The following SLC22A3 variants were observed in gnomAD, a reference collection of about 807,000 sequenced individuals.
The protein encoded by SLC22A3 is EMT organic cation transporter 3.
SLC22A3 carries 51 observed loss-of-function variants against 59.1 expected under a neutral mutation model. That is an observed-to-expected ratio of 0.86 (90% CI 0.69 to 1.09). The LOEUF is 1.09. Among genes scored for constraint, SLC22A3 ranks in the 50% least tolerant of loss-of-function variants. The pLI is 0.00. For missense variants in SLC22A3, 711 were observed against 726.3 expected, an observed-to-expected ratio of 0.98 and a Z score of 0.24; for synonymous variants, 325 against 292.0, an observed-to-expected ratio of 1.11 and a Z score of -1.15.
intron 5 of SLC22A3, among the ~76,000 whole-genome samples, chr6:160,428,175 C>A (rs184064662): frequency 6.6e-6 from 1 of 150,738 alleles, no homozygotes. Context: ...TGACCCACAG[C>A]TGCAATCCGT....
At chr6:160,359,673 C>T (rs1475370590) in intron 1 of SLC22A3, among the ~76,000 whole-genome samples, 4 of 152,170 alleles carry the variant, frequency 2.6e-5, no homozygotes, top group South Asian at 4.1e-4. Flanking sequence ...TAAATCTAGC[C>T]TTCTGGATTT....
At chr6:160,421,496 C>G (rs1332522466) in intron 5 of SLC22A3, among the ~76,000 whole-genome samples, 1 of 152,192 alleles carries the variant, frequency 6.6e-6, no homozygotes, top group Non-Finnish European at 1.5e-5. Flanking sequence ...TGAGCTTCCC[C>G]TTGCCCTTTA....
At chr6:160,394,797 C>T (rs887398874) in intron 1 of SLC22A3, among the ~76,000 whole-genome samples, 6 of 151,950 alleles carry the variant, frequency 3.9e-5, no homozygotes, top group African/African-American at 1.5e-4. Context: ...TGCTGGGTGG[C>T]CATTACAAAG....
intron 1 of SLC22A3, among the ~76,000 whole-genome samples, chr6:160,358,184 C>G (rs944375914): frequency 6.6e-6 from 1 of 152,140 alleles, no homozygotes; most frequent in Non-Finnish European, 1.5e-5. Flanking sequence ...TGGCTAAGAA[C>G]GTAGACTTCC....
intron 1 of SLC22A3, among the ~76,000 whole-genome samples, chr6:160,396,617 G>A (rs1341888630): frequency 6.6e-6 from 1 of 152,052 alleles, no homozygotes; most frequent in South Asian, 2.1e-4. Context: ...ACTCATTCTA[G>A]TAATAAATAA....
chr6:160,399,645 G>C (rs1786676972), intron 2 of SLC22A3, among the ~76,000 whole-genome samples: 1 of 152,096 alleles, frequency 6.6e-6, no homozygotes, highest in Non-Finnish European at 1.5e-5. Flanking sequence ...TATATGTGAA[G>C]GAAGAACAAG....
At chr6:160,449,163 CTT>C (rs1338165767) in intron 10 of SLC22A3, among the ~76,000 whole-genome samples, 1 of 152,128 alleles carries the variant, frequency 6.6e-6, no homozygotes, top group African/African-American at 2.4e-5. Flanking sequence ...GAAATCAAGA[CTT>C]TTCTACTGCT....
intron 1 of SLC22A3, among the ~76,000 whole-genome samples, chr6:160,364,518 T>C (rs1036775770): frequency 2.0e-5 from 3 of 152,218 alleles, no homozygotes; most frequent in East Asian, 1.9e-4. Flanking sequence ...AATTAAAGTA[T>C]ACAAATTGGA....
At chr6:160,376,060 A>T (rs975456295) in intron 1 of SLC22A3, among the ~76,000 whole-genome samples, 1 of 152,238 alleles carries the variant, frequency 6.6e-6, no homozygotes, top group Non-Finnish European at 1.5e-5. Context: ...TGAAGTCTCA[A>T]AAAAAGTGAA....
At chr6:160,431,164 C>A (rs930013538) in intron 5 of SLC22A3, among the ~76,000 whole-genome samples, 1 of 152,142 alleles carries the variant, frequency 6.6e-6, no homozygotes, top group Non-Finnish European at 1.5e-5. Context: ...CAATTTTAAA[C>A]CTGGTATAGC....
intron 5 of SLC22A3, among the ~76,000 whole-genome samples, chr6:160,412,292 G>A (rs1437673125): frequency 3.9e-5 from 6 of 152,126 alleles, no homozygotes; most frequent in Non-Finnish European, 1.5e-5. Context: ...GAACCCAGGA[G>A]GCAGAGGTTG....
chr6:160,424,467 T>G (rs1438069094), intron 5 of SLC22A3, among the ~76,000 whole-genome samples: 1 of 152,238 alleles, frequency 6.6e-6, no homozygotes, highest in Non-Finnish European at 1.5e-5. Context: ...TCAAAAAGGA[T>G]GAGTCACTGT....
At chr6:160,400,692 A>G (rs1321399738) in intron 2 of SLC22A3, among the ~76,000 whole-genome samples, 1 of 151,972 alleles carries the variant, frequency 6.6e-6, no homozygotes, top group East Asian at 1.9e-4. Flanking sequence ...TTGAAGAGAC[A>G]GAGTAAGCAT....
chr6:160,350,785 A>T (rs1321395869), intron 1 of SLC22A3, among the ~76,000 whole-genome samples: 2 of 152,204 alleles, frequency 1.3e-5, no homozygotes, highest in Non-Finnish European at 2.9e-5. Flanking sequence ...TCCCGGGGTT[A>T]CAATAAGGTG....
At chr6:160,400,084 A>ATTTTTTTTTTT (rs760874011) in intron 2 of SLC22A3, among the ~76,000 whole-genome samples, 6 of 95,438 alleles carry the variant, frequency 6.3e-5, no homozygotes, top group African/African-American at 2.0e-4. Context: ...AGCTTTTGTG[A>ATTTTTTTTTTT]TTTTTTTTTT....
At chr6:160,418,673 T>C (rs1787607284) in intron 5 of SLC22A3, among the ~76,000 whole-genome samples, 1 of 152,158 alleles carries the variant, frequency 6.6e-6, no homozygotes. Context: ...TTTGGTTTCC[T>C]TTTTACTCCC....
At chr6:160,352,679 G>T (rs568043299) in intron 1 of SLC22A3, among the ~76,000 whole-genome samples, 9 of 152,246 alleles carry the variant, frequency 5.9e-5, no homozygotes, top group Admixed American at 1.3e-4. Context: ...TGAATCCATT[G>T]TTTGTTTTTA....
intron 5 of SLC22A3, among the ~76,000 whole-genome samples, chr6:160,419,712 A>C (rs765231914): frequency 6.6e-6 from 1 of 152,240 alleles, no homozygotes; most frequent in Non-Finnish European, 1.5e-5. Context: ...CAATTCTACC[A>C]GCAAAGCCTT....
intron 1 of SLC22A3, among the ~76,000 whole-genome samples, chr6:160,392,960 G>A (rs192991501): frequency 1.3e-5 from 2 of 151,966 alleles, no homozygotes; most frequent in East Asian, 3.9e-4. Flanking sequence ...CAAGCTAAGA[G>A]CTGATTAGGA....
Sources: gnomAD v4.1 joint callset for allele counts (sites outside exome capture counted in the v4.1 genomes callset) on GRCh38, gnomAD v4.1.1 for gene constraint, MANE v1.5 for transcripts, NCBI Gene and HGNC (gene_info 2026-07-23, HGNC 2026-07-21) for gene names.